Variants in BCL2L13 observed in about 807,000 individuals in gnomAD.
BCL2L13 encodes BCL2 like 13.
In BCL2L13, 13 loss-of-function variants were observed where a neutral mutation model predicts 25.8. That is an observed-to-expected ratio of 0.50 (90% CI 0.33 to 0.80). The LOEUF is 0.80. Ranked by LOEUF, BCL2L13 falls within the 30% of genes least tolerant of loss-of-function variation. The pLI, the probability that BCL2L13 is intolerant of heterozygous loss-of-function variation, is 0.02. For missense variants in BCL2L13, 504 were observed against 574.9 expected (o/e 0.88, Z 1.26); for synonymous variants, 244 against 230.3 (o/e 1.06, Z -0.54).
chr22:17,678,428 T>C (rs1426767413), intron 2 of BCL2L13, among the ~76,000 whole-genome samples: 1 of 152,050 alleles, frequency 6.6e-6, no homozygotes, highest in East Asian at 1.9e-4. Flanking sequence ...ATGTCAGAAA[T>C]GTTTCTGAGA....
intron 1 of BCL2L13, among the ~76,000 whole-genome samples, chr22:17,639,259 A>G (rs913809994): frequency 2.0e-5 from 3 of 152,196 alleles, no homozygotes; most frequent in African/African-American, 7.2e-5. Flanking sequence ...TTTTTGGTTG[A>G]GGGAAAGGTT....
intron 6 of BCL2L13, among the ~76,000 whole-genome samples, chr22:17,717,009 A>T (rs950389737): frequency 2.0e-5 from 3 of 152,200 alleles, no homozygotes; most frequent in Non-Finnish European, 2.9e-5. Flanking sequence ...CTCCAGCTCC[A>T]GCTTTGCCTT....
intron 1 of BCL2L13, among the ~76,000 whole-genome samples, chr22:17,652,933 C>T (rs1224109965): frequency 3.3e-5 from 5 of 151,844 alleles, no homozygotes; most frequent in East Asian, 2.0e-4. Flanking sequence ...GGCGTGGTGG[C>T]GGGCACCTGT....
At chr22:17,709,080 CA>C (rs1290782030) in intron 6 of BCL2L13, among the ~76,000 whole-genome samples, 2 of 151,538 alleles carry the variant, frequency 1.3e-5, no homozygotes, top group Non-Finnish European at 2.9e-5. Context: ...CTAAAAAATA[CA>C]AAAAATTAGC....
At chr22:17,723,932 AAAAAAAAAAC>A (rs1411001273) in intron 6 of BCL2L13, among the ~76,000 whole-genome samples, 3 of 85,828 alleles carry the variant, frequency 3.5e-5, no homozygotes, top group Non-Finnish European at 9.5e-5. Flanking sequence ...ACTCCGTCTC[AAAAAAAAAAC>A]AAAAAAAAAC....
chr22:17,689,184 C>G (rs2060032324), intron 4 of BCL2L13, 42 bp downstream of exon 4: 2 of 1,595,124 alleles, frequency 1.3e-6, no homozygotes, highest in East Asian at 4.5e-5. Flanking sequence ...TTTAAGTAGT[C>G]TCTGGATCTC....
At chr22:17,641,237 CAA>C (rs527249880) in intron 1 of BCL2L13, among the ~76,000 whole-genome samples, 65 of 152,294 alleles carry the variant, frequency 4.3e-4, no homozygotes, top group African/African-American at 1.5e-3. Context: ...ATACAAAACA[CAA>C]GTGTTAAACA....
chr22:17,642,465 G>T (rs528649997), intron 1 of BCL2L13, among the ~76,000 whole-genome samples: 2 of 152,194 alleles, frequency 1.3e-5, no homozygotes, highest in East Asian at 3.9e-4. Context: ...GGCCTGTCTG[G>T]CTTCTTTCAC....
At position 17,632,579 on chromosome 22, in the gene BCL2L13, C is replaced by G. The variant is rs566229426; in HGVS notation, c.-650+3574C>G. On this transcript the variant is annotated intron_variant, in intron 1 of 6. Transcript: ENST00000399782. ...TAACACATTTTGATTACAATCTCTC[C>G]TGTATTTTTACAGTGTTCTGCAAAT... Among the ~76,000 whole-genome samples the G allele has an allele frequency of 3.5e-4, 53 of 152,190 alleles. No individual in the cohort carries two copies. The South Asian group carries it at 0.011, about 31-fold the overall frequency.
chr22:17,727,678 G>A lies in BCL2L13; in HGVS notation c.*144G>A. The A allele has an allele frequency of 1.8e-6, 2 of 1,083,262 alleles. No homozygotes were observed. Among genetic ancestry groups the A allele is most frequent in the Non-Finnish European group, 2.6e-6 (2 of 764,916 alleles). 67.1% of individuals were successfully genotyped at this position (1,083,262 alleles called of 1,614,324 possible). ...TGCTCAACATGGCAGTGGCATGTTA[G>A]GCATGTTAGGGCTTGAGGTGGGGCA... On this transcript the variant is annotated 3_prime_UTR_variant, in exon 7 of 7. Transcript: ENST00000317582.
At chr22:17,644,133 A>T (rs927189096) in intron 1 of BCL2L13, among the ~76,000 whole-genome samples, 2 of 149,218 alleles carry the variant, frequency 1.3e-5, no homozygotes, top group Middle Eastern at 3.4e-3. Flanking sequence ...CTGGTCTCGA[A>T]CTCCCGACCT....
chr22:17,651,339 C>G (rs1180409689), intron 1 of BCL2L13, among the ~76,000 whole-genome samples: 1 of 151,098 alleles, frequency 6.6e-6, no homozygotes, highest in East Asian at 2.0e-4. Flanking sequence ...ATACAGAATA[C>G]TTAGAATTTT....
chr22:17,641,680 G>A (rs187563185), intron 1 of BCL2L13, among the ~76,000 whole-genome samples: 199 of 152,080 alleles, frequency 1.3e-3, no homozygotes, highest in Non-Finnish European at 1.8e-3. Context: ...ATACCCATTA[G>A]CAGTCATTCT....
Position 17,714,396 on chromosome 22 carries a change from G to T in BCL2L13, c.600+12010G>T, listed in dbSNP as rs541047601. Among the ~76,000 whole-genome samples the T allele has an allele frequency of 1.1e-4, 16 of 152,200 alleles. No individual in the cohort carries two copies. In the East Asian group the frequency reaches 3.1e-3, roughly 29 times the overall value. Reference sequence around the variant, plus strand: ...GAACTCGGGAGGCGGAGGTTGCAGCGAGCCAAGATGGTGCAACTGCACTCC... The same window carrying T: ...GAACTCGGGAGGCGGAGGTTGCAGCTAGCCAAGATGGTGCAACTGCACTCC... On this transcript the variant is annotated intron_variant, in intron 6 of 6. Coordinates refer to ENST00000317582, the MANE Select transcript of BCL2L13 (RefSeq NM_015367.4).
At chr22:17,644,806 CTTT>C (rs771290371) in intron 1 of BCL2L13, among the ~76,000 whole-genome samples, 2 of 133,430 alleles carry the variant, frequency 1.5e-5, no homozygotes. Flanking sequence ...CTAGGAATTT[CTTT>C]TTTTTTTTTT....
At chr22:17,641,386 T>C (rs190418127) in intron 1 of BCL2L13, among the ~76,000 whole-genome samples, 1 of 149,834 alleles carries the variant, frequency 6.7e-6, no homozygotes, top group African/African-American at 2.5e-5. Context: ...CAGATTGGTT[T>C]ATTTTTTTTT....
chr22:17,653,062 C>G (rs1418538815), intron 1 of BCL2L13, among the ~76,000 whole-genome samples: 1 of 151,818 alleles, frequency 6.6e-6, no homozygotes, highest in Non-Finnish European at 1.5e-5. Context: ...GAGACTCAGT[C>G]TCAAAAAAAA....
chr22:17,726,722 A>T lies in BCL2L13; in HGVS notation c.646A>T (p.Ile216Phe). 6.2e-7 allele frequency: 1 copy of T among 1,614,146 alleles called. No individual in the cohort carries two copies. Among genetic ancestry groups the T allele is most frequent in the Non-Finnish European group, 8.5e-7 (1 of 1,180,004 alleles). Residue 216 changes from isoleucine to phenylalanine, a missense_variant, in exon 7 of 7, where the codon ATC becomes TTC. Transcript: ENST00000317582. The stretch of plus-strand genomic sequence containing the variant: ...GTCAGAGGAGGAGGAATACCCTGGA[A>T]TCACTGCAGAAGATAGCAATGACAT... Reference protein sequence around the residue: ...LESEEEEYPGITAEDSNDIYI... With the variant: ...LESEEEEYPGFTAEDSNDIYI...
In BCL2L13 at chr22:17,683,196, C is replaced by CT. The variant is rs764234290; in HGVS notation, c.122-12dup. ...TCTCTCTCCCTCTTTCAATAATAACCTTTTTTGTTGCTTTCAGGGGTTCAA... is the reference window on the plus strand; with the variant it reads ...TCTCTCTCCCTCTTTCAATAATAACCTTTTTTTGTTGCTTTCAGGGGTTCAA... On this transcript the variant is annotated splice_polypyrimidine_tract_variant and intron_variant, in intron 2 of 6. Transcript: ENST00000317582. 8.8e-6 allele frequency: 12 copies of CT among 1,365,850 alleles called. No homozygotes were observed. In the South Asian group the frequency reaches 1.2e-4, roughly 14 times the overall value. 84.6% of individuals were successfully genotyped at this position (1,365,850 alleles called of 1,614,324 possible). A position where few individuals can be genotyped will look rare whatever the true frequency, so the allele number is the denominator to read the frequency against.
Sources: allele counts gnomAD v4.1 joint callset (sites outside exome capture counted in the v4.1 genomes callset), GRCh38; gene constraint gnomAD v4.1.1; transcripts MANE v1.5; gene names NCBI Gene and HGNC (gene_info 2026-07-23, HGNC 2026-07-21).